TTC28: variants seen among roughly 807,000 people sequenced by gnomAD.
TTC28 encodes tetratricopeptide repeat domain 28, also known as tetratricopeptide repeat protein 28.
A neutral mutation model predicts 198.0 loss-of-function variants in TTC28; 61 were observed. The ratio of observed to expected loss-of-function variants is 0.31; its 90% CI spans 0.25 to 0.38. The LOEUF (loss-of-function observed/expected upper bound fraction) is 0.38. TTC28 is among the 10% of genes least tolerant of loss of function. TTC28 has a pLI of 1.00. For missense variants in TTC28, 2,678 were observed against 3,164.0 expected (o/e 0.85, Z 3.69); for synonymous variants, 1,171 against 1,297.8 (o/e 0.90, Z 2.10).
Position 28,306,492 on chromosome 22 carries a change from T to C in TTC28, c.529+4A>G, listed in dbSNP as rs1171142664. On this transcript the variant is annotated splice_donor_region_variant and intron_variant, in intron 3 of 22. Transcript: ENST00000397906. ...GTTATACCAAGTACTTTTATCATATTTACCTCTCATGGGAGATTTCATGGC... is the reference window on the plus strand; with the variant it reads ...GTTATACCAAGTACTTTTATCATATCTACCTCTCATGGGAGATTTCATGGC... 6 of 1,548,460 alleles carry C rather than the reference T, an allele frequency of 3.9e-6. No homozygotes were observed. The African/African-American group carries it at 8.2e-5, about 21-fold the overall frequency.
chr22:28,535,492 A>G (rs1045046718), intron 2 of TTC28, among the ~76,000 whole-genome samples: 2 of 152,214 alleles, frequency 1.3e-5, no homozygotes, highest in Non-Finnish European at 1.5e-5. Flanking sequence ...AGATTCATTA[A>G]TGTTTTTATA....
At chr22:28,531,393 A>G (rs185945299) in intron 2 of TTC28, among the ~76,000 whole-genome samples, 7 of 152,336 alleles carry the variant, frequency 4.6e-5, no homozygotes, top group African/African-American at 1.7e-4. Context: ...ATACAGGAGT[A>G]CCCAAATTCA....
intron 5 of TTC28, among the ~76,000 whole-genome samples, chr22:28,239,903 C>G (rs775617523): frequency 6.6e-6 from 1 of 152,190 alleles, no homozygotes; most frequent in Admixed American, 6.5e-5. Flanking sequence ...CTCATTCCCT[C>G]ATCATCTCTC....
At chr22:28,655,638 C>T (rs375792373) in intron 1 of TTC28, among the ~76,000 whole-genome samples, 2 of 152,148 alleles carry the variant, frequency 1.3e-5, no homozygotes, top group African/African-American at 4.8e-5. Context: ...CCCAGGCGGG[C>T]GGATCACGAG....
intron 6 of TTC28, among the ~76,000 whole-genome samples, chr22:28,110,053 A>G (rs1370591588): frequency 1.3e-5 from 2 of 152,190 alleles, no homozygotes; most frequent in African/African-American, 4.8e-5. Flanking sequence ...CAGGGGTAGA[A>G]AGAAGAATGA....
intron 2 of TTC28, among the ~76,000 whole-genome samples, chr22:28,590,034 CA>C (rs71194779): frequency 0.095 from 6,267 of 66,096 alleles, 55 homozygotes; most frequent in African/African-American, 0.17. Context: ...AAGACTCCAT[CA>C]AAAAAAAAAA....
Position 28,163,009 on chromosome 22 carries a change from T to C in TTC28, c.1441+83A>G. On this transcript the variant is annotated intron_variant, in intron 6 of 22. Transcript: ENST00000397906. ...ATTCTTTTAAATATAAACACACAGATTCCTATAAAAGATAGTGATCTACTC... is the reference window on the plus strand; with the variant it reads ...ATTCTTTTAAATATAAACACACAGACTCCTATAAAAGATAGTGATCTACTC... 2.1e-6 allele frequency: 3 copies of C among 1,412,240 alleles called. No homozygotes were observed. The South Asian group carries it at 4.4e-5, about 21-fold the overall frequency. The allele number at this position is 1,412,240 out of a possible 1,614,324, so 87.5% of individuals were successfully genotyped here. A position where few individuals can be genotyped will look rare whatever the true frequency, so the allele number is the denominator to read the frequency against.
intron 2 of TTC28, among the ~76,000 whole-genome samples, chr22:28,489,305 A>T (rs981532732): frequency 4.0e-4 from 3 of 7,514 alleles, no homozygotes; most frequent in Non-Finnish European, 4.6e-4. Flanking sequence ...TTAAAAATTA[A>T]AAAAAAAAAA....
At chr22:28,078,022 T>A (rs1375104753) in intron 12 of TTC28, among the ~76,000 whole-genome samples, 1 of 152,240 alleles carries the variant, frequency 6.6e-6, no homozygotes, top group Non-Finnish European at 1.5e-5. Flanking sequence ...TTGAAATTCA[T>A]AACATCTCCC....
At chr22:28,055,408 A>G (rs931665002) in intron 12 of TTC28, among the ~76,000 whole-genome samples, 7 of 152,286 alleles carry the variant, frequency 4.6e-5, no homozygotes, top group African/African-American at 7.2e-5. Flanking sequence ...TGGAATGGCT[A>G]AAAGTGCTAA....
intron 6 of TTC28, among the ~76,000 whole-genome samples, chr22:28,112,388 G>A (rs2146915454): frequency 6.6e-6 from 1 of 152,266 alleles, no homozygotes; most frequent in Admixed American, 6.5e-5. Context: ...GCTGGTTATG[G>A]CAAAATGATC....
At position 27,982,670 on chromosome 22, in the gene TTC28, G is replaced by A. The variant is rs373252711; in HGVS notation, c.6997C>T (p.Arg2333Cys). ...ALSYSSAGSA[R>C]SSPADAPDID... Reference sequence around the variant, plus strand: ...TCGGGAGCGTCTGCTGGACTTGAGCGAGCAGATCCAGCTGAGGAGTAGGAG... The same window carrying A: ...TCGGGAGCGTCTGCTGGACTTGAGCAAGCAGATCCAGCTGAGGAGTAGGAG... The change falls in exon 23 of 23, where the codon CGC (arginine) becomes TGC (cysteine). Residue 2333 changes from arginine to cysteine, a missense_variant. Transcript: ENST00000397906. The surrounding 1 kb of genome is among the most constrained non-coding windows in gnomAD (Gnocchi z 5.2). 3.4e-5 allele frequency: 53 copies of A among 1,551,584 alleles called. No homozygotes were observed. The highest frequency in any genetic ancestry group is 2.2e-4 in the East Asian group (9 of 40,900).
chr22:28,214,448 A>C (rs573442155), intron 5 of TTC28, among the ~76,000 whole-genome samples: 1 of 152,228 alleles, frequency 6.6e-6, no homozygotes, highest in Non-Finnish European at 1.5e-5. Context: ...AAAATCAAAC[A>C]ACCTCATCAA....
At chr22:28,515,526 T>A (rs551840557) in intron 2 of TTC28, among the ~76,000 whole-genome samples, 1 of 152,176 alleles carries the variant, frequency 6.6e-6, no homozygotes, top group Admixed American at 6.5e-5. Context: ...GCTAAAGTAG[T>A]TTAGCAAATA....
intron 1 of TTC28, among the ~76,000 whole-genome samples, chr22:28,632,945 C>T (rs959066621): frequency 1.2e-4 from 18 of 150,950 alleles, no homozygotes; most frequent in African/African-American, 2.4e-4. Flanking sequence ...GGCAACATAG[C>T]AAGACCCTGT....
At chr22:28,591,559 C>T (rs2050436205) in intron 2 of TTC28, among the ~76,000 whole-genome samples, 1 of 152,014 alleles carries the variant, frequency 6.6e-6, no homozygotes, top group East Asian at 1.9e-4. Context: ...ATTCCAGGTC[C>T]ACGTGCTTTT....
chr22:28,677,463 A>G (rs914161220), intron 1 of TTC28, among the ~76,000 whole-genome samples: 1 of 151,930 alleles, frequency 6.6e-6, no homozygotes, highest in Non-Finnish European at 1.5e-5. Context: ...CCTGGCCAAC[A>G]TAGGGAAACC....
At chr22:28,080,217 G>A (rs939971793) in intron 12 of TTC28, among the ~76,000 whole-genome samples, 1 of 152,176 alleles carries the variant, frequency 6.6e-6, no homozygotes, top group African/African-American at 2.4e-5. Flanking sequence ...CCAGAAATGG[G>A]ATTGTTGCAT....
At chr22:28,382,218 C>T (rs2046507327) in intron 2 of TTC28, among the ~76,000 whole-genome samples, 2 of 152,130 alleles carry the variant, frequency 1.3e-5, no homozygotes, top group Non-Finnish European at 2.9e-5. Flanking sequence ...AACCAAATTT[C>T]AAAGTAAAGT....
Sources: gnomAD v4.1 joint callset for allele counts (sites outside exome capture counted in the v4.1 genomes callset) on GRCh38, gnomAD v4.1.1 for gene constraint, Gnocchi (gnomAD v3.1) non-coding constraint, MANE v1.5 for transcripts, NCBI Gene and HGNC (gene_info 2026-07-23, HGNC 2026-07-21) for gene names.